The following NUP160 variants were observed in gnomAD, a reference collection of about 807,000 sequenced individuals.
The protein encoded by NUP160 is nucleoporin 160.
Under a neutral mutation model 196.9 loss-of-function variants are expected in NUP160, and 94 were observed. That is an observed-to-expected ratio of 0.48 (90% CI 0.40 to 0.57). NUP160 has a LOEUF of 0.57. NUP160 is among the 20% of genes least tolerant of loss of function. The pLI is 0.00. For missense variants in NUP160, 1,638 were observed against 1,748.3 expected, an observed-to-expected ratio of 0.94 and a Z score of 1.13; for synonymous variants, 605 against 619.7, an observed-to-expected ratio of 0.98 and a Z score of 0.35.
chr11:47,847,862 G>A, exon 2 of NUP160: 2 of 1,612,610 alleles, frequency 1.2e-6, no homozygotes, highest in Non-Finnish European at 1.7e-6. Flanking sequence ...GAATGAACCT[G>A]TTTCTGGTTA....
At chr11:47,842,894 G>A (rs1852332745) in intron 2 of NUP160, among the ~76,000 whole-genome samples, 1 of 152,112 alleles carries the variant, frequency 6.6e-6, no homozygotes, top group African/African-American at 2.4e-5. Flanking sequence ...AGGCTGAGAT[G>A]GGAGGATCGA....
At chr11:47,834,192 G>T in intron 7 of NUP160, among the ~76,000 whole-genome samples, 1 of 152,086 alleles carries the variant, frequency 6.6e-6, no homozygotes, top group African/African-American at 2.4e-5. Flanking sequence ...TGCAGTTCTC[G>T]GTAAGAGTAT....
At chr11:47,792,730 T>C (rs1161469151) in intron 28 of NUP160, 56 bp downstream of exon 28, 2 of 1,463,380 alleles carry the variant, frequency 1.4e-6, no homozygotes, top group Non-Finnish European at 1.8e-6. Context: ...CCAAAACAAG[T>C]AGATTTACTT....
intron 7 of NUP160, among the ~76,000 whole-genome samples, chr11:47,826,310 C>T (rs1851966732): frequency 6.6e-6 from 1 of 152,166 alleles, no homozygotes; most frequent in Non-Finnish European, 1.5e-5. Flanking sequence ...AAATAAAATA[C>T]TATAAGTTCA....
intron 28 of NUP160, 115 bp downstream of exon 28, chr11:47,792,671 A>C: frequency 1.0e-6 from 1 of 973,654 alleles, no homozygotes; most frequent in Non-Finnish European, 1.5e-6. Context: ...ATATCTCAGT[A>C]GAAATTGTAA....
At position 47,780,369 on chromosome 11, in the gene NUP160, T is replaced by C. The variant is rs1158026270; in HGVS notation, c.4195A>G (p.Asn1399Asp). 9 of 1,613,296 alleles carry C rather than the reference T, an allele frequency of 5.6e-6. No individual in the cohort carries two copies. The East Asian group carries it at 2.0e-4, about 36-fold the overall frequency. ...GCGATGTTGTGACTGTTGGCACTGT[T>C]CTCTCCCAGAGCTTGGAGAAGCTGA... Residue 1399 changes from asparagine (N) to aspartate (D), a missense_variant, in exon 35 of 36, where the codon AAC becomes GAC. Asn to Asp is a conservative substitution (Grantham distance 23). Around this residue, in one of 3 missense-constraint regions of NUP160, gnomAD observed 1,345 missense variants for 1,470.2 expected, o/e 0.91. Coordinates refer to ENST00000378460, the Ensembl canonical transcript of NUP160.
chr11:47,798,138 T>C (rs2097671939), intron 25 of NUP160, 30 bp downstream of exon 25: 1 of 1,569,782 alleles, frequency 6.4e-7, no homozygotes, highest in African/African-American at 1.4e-5. Flanking sequence ...GTTGGTAAAT[T>C]GTCTTCTCTA....
rs2097664734 is a variant in NUP160, at chr11:47,786,695, T to C, written c.3747-141A>G. On this transcript the variant is annotated intron_variant, in intron 31 of 35. Coordinates refer to ENST00000378460, the Ensembl canonical transcript of NUP160. ...ACTACTGGAATATTGGCTCATCTCTTCCTCAAGTTACACAACTGGATACCT... is the reference window on the plus strand; with the variant it reads ...ACTACTGGAATATTGGCTCATCTCTCCCTCAAGTTACACAACTGGATACCT... 16 of 617,546 alleles carry C rather than the reference T, an allele frequency of 2.6e-5. No homozygotes were observed. In the East Asian group the frequency reaches 4.2e-4, roughly 16 times the overall value. 38.3% of individuals were successfully genotyped at this position (617,546 alleles called of 1,614,324 possible).
chr11:47,805,074 C>G (rs1467862007), intron 20 of NUP160, among the ~76,000 whole-genome samples: 1 of 152,072 alleles, frequency 6.6e-6, no homozygotes. Flanking sequence ...AGTGGACATC[C>G]AGCACATAAC....
intron 23 of NUP160, among the ~76,000 whole-genome samples, chr11:47,799,155 G>A (rs1336198572): frequency 6.7e-6 from 1 of 150,028 alleles, no homozygotes; most frequent in Admixed American, 6.7e-5. Flanking sequence ...GTGTGATCTC[G>A]GCTCACTGCA....
At chr11:47,847,617 T>C (rs1310449400) in intron 2 of NUP160, among the ~76,000 whole-genome samples, 1 of 109,966 alleles carries the variant, frequency 9.1e-6, no homozygotes, top group African/African-American at 3.5e-5. Context: ...CCTCTGCTTC[T>C]GGTGTTGCTT....
intron 29 of NUP160, among the ~76,000 whole-genome samples, chr11:47,788,954 G>A (rs1016877289): frequency 2.6e-5 from 4 of 151,082 alleles, no homozygotes; most frequent in African/African-American, 7.3e-5. Context: ...TCGGCTCACT[G>A]CAACCTCCGC....
chr11:47,809,069 C>T (rs1357259739), intron 17 of NUP160, among the ~76,000 whole-genome samples: 1 of 151,632 alleles, frequency 6.6e-6, no homozygotes, highest in Non-Finnish European at 1.5e-5. Flanking sequence ...CCACTGCACT[C>T]CAGCCTGGGT....
At chr11:47,802,611 GA>G (rs1015937831) in intron 22 of NUP160, among the ~76,000 whole-genome samples, 1 of 151,932 alleles carries the variant, frequency 6.6e-6, no homozygotes, top group Non-Finnish European at 1.5e-5. Flanking sequence ...GAACATCAGG[GA>G]AAAAATTAAA....
At position 47,798,063 on chromosome 11, in the gene NUP160, C is replaced by A. The variant is rs765138683; in HGVS notation, c.3098G>T (p.Cys1033Phe). ...AAGAACTACCACCAACTGCCGTAAACAATCTAATTGCCTAGAAGGAAAGAA... is the reference window on the plus strand; with the variant it reads ...AAGAACTACCACCAACTGCCGTAAAAAATCTAATTGCCTAGAAGGAAAGAA... Residue 1033 changes from cysteine (C) to phenylalanine (F), a missense_variant, in exon 26 of 36, where the codon TGT becomes TTT. Around this residue, in one of 3 missense-constraint regions of NUP160, gnomAD observed 1,345 missense variants for 1,470.2 expected, o/e 0.91. Coordinates refer to ENST00000378460, the Ensembl canonical transcript of NUP160. 2.5e-6 allele frequency: 4 copies of A among 1,578,762 alleles called. No individual in the cohort carries two copies. The Admixed American group carries it at 7.2e-5, about 28-fold the overall frequency.
At chr11:47,806,852 C>CATATATATAT (rs750485693) in intron 19 of NUP160, among the ~76,000 whole-genome samples, 19 of 124,248 alleles carry the variant, frequency 1.5e-4, no homozygotes, top group African/African-American at 4.8e-4. Context: ...CACACACACA[C>CATATATATAT]ATATATATAC....
rs11347850 is a variant in NUP160, at chr11:47,816,781, GAA to G, written c.1432-754_1432-753del. On this transcript the variant is annotated intron_variant, in intron 11 of 35. Transcript: ENST00000378460. ...ACAGAGCGAGACCCTGCCTCAAAGGGAAAAAAAAAAAAAAAGTCTATGTAACT... is the reference window on the plus strand; with the variant it reads ...ACAGAGCGAGACCCTGCCTCAAAGGGAAAAAAAAAAAAAGTCTATGTAACT... 3.6e-3 allele frequency among the ~76,000 whole-genome samples: 505 copies of G among 140,770 alleles called. 3 individuals carry two copies. The highest frequency in any genetic ancestry group is 7.3e-3 in the African/African-American group (280 of 38,198). The allele number at this position is 140,770 out of a possible 152,430, so 92.4% of individuals were successfully genotyped here.
chr11:47,822,612 GTGCACAACGTGCAGGTTTGTTACATA>G (rs1851886751), intron 7 of NUP160, among the ~76,000 whole-genome samples: 1 of 149,684 alleles, frequency 6.7e-6, no homozygotes, highest in African/African-American at 2.5e-5. Flanking sequence ...TAGGTTACAT[GTGCACAACGTGCAGGTTTGTTACATA>G]TGTATACATG....
Position 47,839,710 on chromosome 11 carries a change from T to G in NUP160, c.748+133A>C. Reference sequence around the variant, plus strand: ...TAAAAGTAAAGCATTAGGGACTCATTAGGCAAGCAATAATGAATGACCAGT... The same window carrying G: ...TAAAAGTAAAGCATTAGGGACTCATGAGGCAAGCAATAATGAATGACCAGT... On this transcript the variant is annotated intron_variant, in intron 4 of 35. Transcript: ENST00000378460. 7 of 756,848 alleles carry G rather than the reference T, an allele frequency of 9.2e-6. No individual in the cohort carries two copies. The South Asian group carries it at 1.1e-4, about 12-fold the overall frequency. 46.9% of individuals were successfully genotyped at this position (756,848 alleles called of 1,614,324 possible).
Sources: gnomAD v4.1 joint callset for allele counts (sites outside exome capture counted in the v4.1 genomes callset) on GRCh38, gnomAD v4.1.1 for gene constraint, gnomAD v4.1.1 regional missense constraint, MANE v1.5 for transcripts, NCBI Gene and HGNC (gene_info 2026-07-23, HGNC 2026-07-21) for gene names.